POU6F2: variants seen among roughly 807,000 people sequenced by gnomAD.
POU6F2 encodes the protein POU class 6 homeobox 2.
A neutral mutation model predicts 71.3 loss-of-function variants in POU6F2; 31 were observed. That is an observed-to-expected ratio of 0.43 (90% CI 0.33 to 0.59). The LOEUF is 0.59. POU6F2 is among the 20% of genes least tolerant of loss of function. The pLI is 0.04. For missense variants in POU6F2, 783 were observed against 856.8 expected (o/e 0.91, Z 1.07); for synonymous variants, 347 against 355.7 (o/e 0.98, Z 0.27).
At chr7:39,148,799 T>G (rs930451711) in intron 2 of POU6F2, among the ~76,000 whole-genome samples, 7 of 152,202 alleles carry the variant, frequency 4.6e-5, no homozygotes, top group African/African-American at 1.7e-4. Context: ...AACATGTGTC[T>G]TACTCCAGAG....
chr7:38,999,216 C>T (rs748775294), intron 1 of POU6F2, among the ~76,000 whole-genome samples: 8 of 152,092 alleles, frequency 5.3e-5, no homozygotes, highest in Admixed American at 1.3e-4. Flanking sequence ...GGAGAAATTC[C>T]CTCAGTCCTT....
intron 2 of POU6F2, among the ~76,000 whole-genome samples, chr7:39,146,295 G>A (rs1269475931): frequency 6.6e-6 from 1 of 152,164 alleles, no homozygotes; most frequent in African/African-American, 2.4e-5. Context: ...AGGCCTAGGG[G>A]ACACAGGACT....
At position 39,464,503 on chromosome 7, in the gene POU6F2, C is replaced by T. The variant is rs1562562857; in HGVS notation, c.1980C>T (p.His660=). The T allele has an allele frequency of 2.5e-6, 4 of 1,613,768 alleles. No individual in the cohort carries two copies. The highest frequency in any genetic ancestry group is 2.5e-6 in the Non-Finnish European group (3 of 1,179,772). Residue 660 remains histidine, a synonymous_variant, in exon 10 of 10, where the codon CAC becomes CAT. Transcript: ENST00000518318. This position sits in a 1 kb window ranked among gnomAD's most constrained non-coding sequence, Gnocchi z 4.1. ...ATGCCCACTTTGAGAAGAACACACA[C>T]CCTTCTGGGCAGGAAATGACCGAAA... ...ILNAHFEKNT[H]PSGQEMTEIA...
At position 39,227,617 on chromosome 7, in the gene POU6F2, C is replaced by T. The variant is rs533333157; in HGVS notation, c.598+19997C>T. Among the ~76,000 whole-genome samples, 33 of 146,512 alleles carry T rather than the reference C, an allele frequency of 2.3e-4. 1 individual carries two copies. The highest frequency in any genetic ancestry group is 6.6e-4 in the African/African-American group (26 of 39,654). ...TCACCCAGGCTGGAGTGCAGTGGCG[C>T]GATCTCAGCTCACTGCAACCTCTGC... On this transcript the variant is annotated intron_variant, in intron 4 of 9. Transcript: ENST00000518318.
At chr7:39,230,004 A>C (rs1794545399) in intron 4 of POU6F2, among the ~76,000 whole-genome samples, 1 of 152,234 alleles carries the variant, frequency 6.6e-6, no homozygotes, top group Admixed American at 6.5e-5. Context: ...TAGTCAACCA[A>C]GGCACAGATG....
At chr7:39,257,550 C>A (rs1784049729) in intron 4 of POU6F2, among the ~76,000 whole-genome samples, 1 of 152,030 alleles carries the variant, frequency 6.6e-6, no homozygotes, top group Non-Finnish European at 1.5e-5. Context: ...ACCCACAAAC[C>A]AGCTCAGGGT....
At chr7:39,034,147 G>A (rs1414854983) in intron 1 of POU6F2, among the ~76,000 whole-genome samples, 1 of 152,142 alleles carries the variant, frequency 6.6e-6, no homozygotes, top group African/African-American at 2.4e-5. Context: ...AAAACTGTGT[G>A]GAGAGGAGCT....
At chr7:39,239,402 C>T (rs1459114066) in intron 4 of POU6F2, among the ~76,000 whole-genome samples, 1 of 152,062 alleles carries the variant, frequency 6.6e-6, no homozygotes, top group Non-Finnish European at 1.5e-5. Context: ...TAACTTGTAT[C>T]AGAATATTTA....
intron 6 of POU6F2, among the ~76,000 whole-genome samples, chr7:39,432,234 G>A (rs569468111): frequency 9.9e-5 from 15 of 152,252 alleles, no homozygotes; most frequent in African/African-American, 3.6e-4. Context: ...GTTGAAGCCA[G>A]AAGCCACTGG....
chr7:39,282,621 A>G lies in POU6F2; in HGVS notation c.599-57021A>G, dbSNP rs575730865. On this transcript the variant is annotated intron_variant, in intron 4 of 9. Transcript: ENST00000518318. ...GTATGGATTTATTTTTGTGTTATCT[A>G]TTTCATTCTGTTGGTCTTGGGGTCT... Among the ~76,000 whole-genome samples the G allele has an allele frequency of 9.2e-5, 14 of 151,910 alleles. No homozygotes were observed. The South Asian group carries it at 2.5e-3, about 27-fold the overall frequency.
At chr7:39,159,775 G>A (rs1792952377) in intron 2 of POU6F2, among the ~76,000 whole-genome samples, 2 of 152,094 alleles carry the variant, frequency 1.3e-5, no homozygotes. Flanking sequence ...GGCAAACTGT[G>A]TTCTTGAAAC....
At chr7:39,322,492 G>C (rs1785417745) in intron 4 of POU6F2, among the ~76,000 whole-genome samples, 1 of 152,182 alleles carries the variant, frequency 6.6e-6, no homozygotes, top group African/African-American at 2.4e-5. Flanking sequence ...TTAAGATTAT[G>C]ATTTAATCTG....
intron 6 of POU6F2, among the ~76,000 whole-genome samples, chr7:39,432,120 C>G (rs181821119): frequency 1.3e-5 from 2 of 152,204 alleles, no homozygotes; most frequent in South Asian, 4.1e-4. Context: ...TCTATGGACA[C>G]CCAGTCTGTC....
chr7:39,069,314 G>C (rs1421697043), intron 1 of POU6F2, among the ~76,000 whole-genome samples: 1 of 152,228 alleles, frequency 6.6e-6, no homozygotes, highest in East Asian at 1.9e-4. Context: ...CAGGGACTGA[G>C]TGTTAGAGAA....
At chr7:39,143,119 C>T (rs1346611370) in intron 2 of POU6F2, among the ~76,000 whole-genome samples, 2 of 152,142 alleles carry the variant, frequency 1.3e-5, no homozygotes, top group Non-Finnish European at 2.9e-5. Flanking sequence ...TAGAGAAGTA[C>T]ATGCAATGAG....
chr7:39,064,422 A>G (rs953269418), intron 1 of POU6F2, among the ~76,000 whole-genome samples: 2 of 151,966 alleles, frequency 1.3e-5, no homozygotes, highest in African/African-American at 4.8e-5. Flanking sequence ...AAAGCAGAAT[A>G]TAAAACTTTC....
intron 4 of POU6F2, among the ~76,000 whole-genome samples, chr7:39,266,905 C>T (rs112021883): frequency 1.5e-4 from 23 of 152,174 alleles, no homozygotes; most frequent in African/African-American, 5.1e-4. Context: ...TTCCTGTTAA[C>T]CATAGTCACC....
At chr7:39,079,267 C>T (rs1018156557) in intron 1 of POU6F2, among the ~76,000 whole-genome samples, 6 of 144,634 alleles carry the variant, frequency 4.1e-5, no homozygotes, top group African/African-American at 1.6e-4. Flanking sequence ...CAGCTCACTG[C>T]AACCTCCGCC....
intron 4 of POU6F2, among the ~76,000 whole-genome samples, chr7:39,262,916 A>T (rs1784167157): frequency 6.6e-6 from 1 of 152,220 alleles, no homozygotes; most frequent in African/African-American, 2.4e-5. Context: ...ATTGCTCAGA[A>T]AATCACCATT....
Sources: gnomAD v4.1 joint callset for allele counts (sites outside exome capture counted in the v4.1 genomes callset) on GRCh38, gnomAD v4.1.1 for gene constraint, Gnocchi (gnomAD v3.1) non-coding constraint, MANE v1.5 for transcripts, NCBI Gene and HGNC (gene_info 2026-07-23, HGNC 2026-07-21) for gene names.